The following ILKAP variants were observed in gnomAD, a reference collection of about 807,000 sequenced individuals.
ILKAP encodes the protein ILK associated serine/threonine phosphatase.
A neutral mutation model predicts 49.1 loss-of-function variants in ILKAP; 11 were observed. The observed-to-expected ratio is 0.22, with a 90% CI of 0.14 to 0.37. ILKAP has a LOEUF of 0.37. ILKAP is among the 10% of genes least tolerant of loss of function. ILKAP has a pLI of 1.00. For missense variants in ILKAP, 363 were observed against 510.8 expected (o/e 0.71, Z 2.79); for synonymous variants, 186 against 192.8 (o/e 0.96, Z 0.29).
intron 5 of ILKAP, chr2:238,186,944 C>G (rs1460844335): frequency 2.0e-5 from 3 of 152,212 alleles, no homozygotes; most frequent in Admixed American, 1.3e-4. Context: ...CCAGAGGTCC[C>G]TTTCCTGGTT....
chr2:238,201,377 T>A (rs1254980016), intron 1 of ILKAP, among the ~76,000 whole-genome samples: 1 of 152,214 alleles, frequency 6.6e-6, no homozygotes, highest in Non-Finnish European at 1.5e-5. Flanking sequence ...TTCTGAGATC[T>A]TCTTCGTTTT....
At chr2:238,202,945 C>A (rs1262396964) in intron 1 of ILKAP, among the ~76,000 whole-genome samples, 1 of 151,690 alleles carries the variant, frequency 6.6e-6, no homozygotes, top group African/African-American at 2.4e-5. Flanking sequence ...ACAGAGGAGG[C>A]ATCCTGTCTT....
At chr2:238,196,043 C>CCAAAAA (rs1479902954) in intron 1 of ILKAP, among the ~76,000 whole-genome samples, 12 of 67,872 alleles carry the variant, frequency 1.8e-4, no homozygotes, top group African/African-American at 7.6e-4. Context: ...GACTCTGTCA[C>CCAAAAA]AAAAAAAAAA....
At chr2:238,171,186 T>A (rs1200115390) in intron 10 of ILKAP, among the ~76,000 whole-genome samples, 162 bp from the exon 11 acceptor site, 1 of 145,872 alleles carries the variant, frequency 6.9e-6, no homozygotes, top group Admixed American at 6.9e-5. Context: ...TGAGATGGAG[T>A]TTCACTCTTG....
intron 4 of ILKAP, 59 bp downstream of exon 4, chr2:238,189,794 G>A: frequency 6.5e-7 from 1 of 1,532,144 alleles, no homozygotes; most frequent in Non-Finnish European, 9.0e-7. Flanking sequence ...AACTGGTTTT[G>A]CTCTGGGTTG....
At chr2:238,171,230 G>A (rs1404463924) in intron 10 of ILKAP, among the ~76,000 whole-genome samples, 1 of 150,226 alleles carries the variant, frequency 6.7e-6, no homozygotes, top group Admixed American at 6.7e-5. Flanking sequence ...CGCAATCTTG[G>A]CTCACTGCAA....
intron 9 of ILKAP, among the ~76,000 whole-genome samples, chr2:238,178,326 C>T (rs1371128211): frequency 2.0e-5 from 3 of 152,070 alleles, no homozygotes; most frequent in Non-Finnish European, 2.9e-5. Context: ...GGACCACAGG[C>T]GCACACCACC....
rs752640785 is a variant in ILKAP, at chr2:238,182,148, A to G, written c.753T>C (p.His251=). 1 of 1,613,918 alleles carries G rather than the reference A, an allele frequency of 6.2e-7. No homozygotes were observed. The highest frequency in any genetic ancestry group is 1.1e-5 in the South Asian group (1 of 91,080). Residue 251 remains histidine, a synonymous_variant, in exon 9 of 12, where the codon CAT becomes CAC. Transcript: ENST00000254654. ...LCRYNEESQK[H]AALSLSKEHN... ...GCTCTTTGCTGAGGCTTAAGGCTGC[A>G]TGTTTTTGACTCTCCTCATTATAAC...
intron 10 of ILKAP, among the ~76,000 whole-genome samples, chr2:238,172,312 A>C (rs927982987): frequency 6.6e-6 from 1 of 152,162 alleles, no homozygotes; most frequent in African/African-American, 2.4e-5. Context: ...TCCGCCTCCC[A>C]AAGTGTTGGG....
At chr2:238,192,508 G>A (rs1372613232) in intron 3 of ILKAP, among the ~76,000 whole-genome samples, 1 of 151,958 alleles carries the variant, frequency 6.6e-6, no homozygotes, top group East Asian at 1.9e-4. Flanking sequence ...AACCATCCTG[G>A]CTAACATGGT....
At chr2:238,178,074 T>C (rs1424293373) in intron 9 of ILKAP, among the ~76,000 whole-genome samples, 1 of 152,134 alleles carries the variant, frequency 6.6e-6, no homozygotes, top group Non-Finnish European at 1.5e-5. Flanking sequence ...AGTGGCAAAA[T>C]AACCACAGTA....
At chr2:238,180,374 C>T (rs950291978) in intron 9 of ILKAP, among the ~76,000 whole-genome samples, 2 of 152,152 alleles carry the variant, frequency 1.3e-5, no homozygotes, top group South Asian at 2.1e-4. Context: ...ATGTCAAGAA[C>T]GTCCTTATCT....
chr2:238,196,855 G>C (rs1009906183), intron 1 of ILKAP, among the ~76,000 whole-genome samples: 1 of 152,144 alleles, frequency 6.6e-6, no homozygotes, highest in African/African-American at 2.4e-5. Flanking sequence ...TTTCTTACAA[G>C]TGACATAAAG....
Position 238,194,881 on chromosome 2 carries a change from G to A in ILKAP, c.56-11C>T, listed in dbSNP as rs1406765447. ...TCTGAGCTTCTTTCCCTAAAACACA[G>A]AAAACCTGTTTAGAGAGCATATGGT... On this transcript the variant is annotated splice_polypyrimidine_tract_variant and intron_variant, in intron 1 of 11. Transcript: ENST00000254654. 2 of 1,609,456 alleles carry A rather than the reference G, an allele frequency of 1.2e-6. No homozygotes were observed. The highest frequency in any genetic ancestry group is 2.7e-5 in the African/African-American group (2 of 74,836).
In ILKAP at chr2:238,176,908, CATATTA is replaced by C. The variant is rs1693483760; in HGVS notation, c.837-3261_837-3256del. Among the ~76,000 whole-genome samples, 3 of 152,228 alleles carry C rather than the reference CATATTA, an allele frequency of 2.0e-5. No homozygotes were observed. The South Asian group carries it at 6.2e-4, about 32-fold the overall frequency. ...AAGACTGGTGGATGCCTAAATCCAA[CATATTA>C]ATACAATGAGTGCTACAGAGATAAC... On this transcript the variant is annotated intron_variant, in intron 9 of 11. Transcript: ENST00000254654.
At chr2:238,173,389 A>C in intron 10 of ILKAP, 145 bp downstream of exon 10, 17 of 1,065,270 alleles carry the variant, frequency 1.6e-5, no homozygotes, top group Non-Finnish European at 1.9e-5. Flanking sequence ...ACCAGAGCAG[A>C]AACCACATTT....
intron 3 of ILKAP, among the ~76,000 whole-genome samples, chr2:238,191,540 C>A (rs1694122655): frequency 6.6e-6 from 1 of 152,202 alleles, no homozygotes; most frequent in African/African-American, 2.4e-5. Flanking sequence ...CAAAGGTCCC[C>A]ATTAGTGTCC....
intron 6 of ILKAP, among the ~76,000 whole-genome samples, chr2:238,184,642 C>G (rs1693829059): frequency 6.6e-6 from 1 of 152,042 alleles, no homozygotes; most frequent in African/African-American, 2.4e-5. Flanking sequence ...TCACTGCAGC[C>G]TGAACCTCCT....
intron 9 of ILKAP, among the ~76,000 whole-genome samples, chr2:238,181,256 A>T (rs923602999): frequency 6.6e-6 from 1 of 152,068 alleles, no homozygotes; most frequent in African/African-American, 2.4e-5. Context: ...CATCTCTCTT[A>T]TCTCTGGCAG....
Sources: gnomAD v4.1 joint callset for allele counts (sites outside exome capture counted in the v4.1 genomes callset) on GRCh38, gnomAD v4.1.1 for gene constraint, MANE v1.5 for transcripts, NCBI Gene and HGNC (gene_info 2026-07-23, HGNC 2026-07-21) for gene names.